The following PUM1 variants were observed in gnomAD, a reference collection of about 807,000 sequenced individuals.
The protein encoded by PUM1 is pumilio homolog 1.
In PUM1, 13 loss-of-function variants were observed where a neutral mutation model predicts 131.8. The observed-to-expected ratio is 0.10, with a 90% CI of 0.06 to 0.16. The LOEUF (loss-of-function observed/expected upper bound fraction) is 0.16, where lower values mean the gene tolerates loss of function less well. Among genes scored for constraint, PUM1 ranks in the 10% least tolerant of loss-of-function variants. The pLI is 1.00. For synonymous variants in PUM1, 509 were observed against 556.5 expected (o/e 0.91, Z 1.20); for missense variants, 961 against 1,512.4 (o/e 0.64, Z 6.05).
chr1:30,960,277 C>T (rs975849944), intron 14 of PUM1, among the ~76,000 whole-genome samples: 3 of 152,194 alleles, frequency 2.0e-5, no homozygotes, highest in Non-Finnish European at 2.9e-5. Flanking sequence ...TCTAAATGCT[C>T]CAATGAGCAT....
intron 5 of PUM1, among the ~76,000 whole-genome samples, chr1:31,004,286 T>C (rs1338504113): frequency 6.6e-6 from 1 of 152,238 alleles, no homozygotes; most frequent in Non-Finnish European, 1.5e-5. Flanking sequence ...AGCTTCACAG[T>C]AATGCAGGCA....
At chr1:30,954,561 T>C (rs1399262474) in intron 14 of PUM1, among the ~76,000 whole-genome samples, 1 of 152,136 alleles carries the variant, frequency 6.6e-6, no homozygotes, top group Non-Finnish European at 1.5e-5. Flanking sequence ...TGAGACATAA[T>C]GAGTACAAGA....
intron 1 of PUM1, among the ~76,000 whole-genome samples, chr1:31,065,116 G>C (rs1036655469): frequency 3.3e-5 from 5 of 152,072 alleles, no homozygotes; most frequent in Non-Finnish European, 7.4e-5. Flanking sequence ...GGTGAATCTC[G>C]CCTGTGGACA....
At chr1:31,024,624 T>G (rs1643157987) in intron 3 of PUM1, among the ~76,000 whole-genome samples, 1 of 152,222 alleles carries the variant, frequency 6.6e-6, no homozygotes, top group Non-Finnish European at 1.5e-5. Context: ...CCCTGGAAGT[T>G]GTCAAGTTCA....
At chr1:30,979,428 C>CTA (rs1157551981) in intron 9 of PUM1, among the ~76,000 whole-genome samples, 4 of 152,092 alleles carry the variant, frequency 2.6e-5, no homozygotes, top group African/African-American at 9.7e-5. Flanking sequence ...TGATAGAGCC[C>CTA]TATATACTGT....
chr1:31,046,218 C>T (rs1643958455), intron 2 of PUM1, among the ~76,000 whole-genome samples: 2 of 151,760 alleles, frequency 1.3e-5, no homozygotes, highest in Non-Finnish European at 2.9e-5. Context: ...GAAATCCCAT[C>T]TCTACTAAAA....
At chr1:30,963,916 C>T (rs1026391072) in intron 14 of PUM1, among the ~76,000 whole-genome samples, 7 of 152,148 alleles carry the variant, frequency 4.6e-5, no homozygotes, top group Non-Finnish European at 8.8e-5. Context: ...AAACTTAATA[C>T]ATAACTGCGG....
At chr1:31,012,208 T>C (rs1352420367) in intron 3 of PUM1, among the ~76,000 whole-genome samples, 1 of 81,744 alleles carries the variant, frequency 1.2e-5, no homozygotes, top group Non-Finnish European at 2.2e-5. Context: ...GTTGTTTTTT[T>C]TCCTTAAAAA....
At chr1:30,970,536 A>C (rs187943657) in intron 10 of PUM1, among the ~76,000 whole-genome samples, 2 of 152,342 alleles carry the variant, frequency 1.3e-5, no homozygotes, top group African/African-American at 4.8e-5. Context: ...TTTGTTTCTG[A>C]CCTAAAGAAC....
At chr1:31,036,316 G>A (rs1455576318) in intron 2 of PUM1, among the ~76,000 whole-genome samples, 1 of 152,064 alleles carries the variant, frequency 6.6e-6, no homozygotes, top group East Asian at 1.9e-4. Flanking sequence ...TGATCCGCCT[G>A]CCTCGGCCTC....
intron 2 of PUM1, among the ~76,000 whole-genome samples, chr1:31,039,000 T>TTTTTTTTTC (rs1643730416): frequency 1.3e-5 from 1 of 74,106 alleles, no homozygotes; most frequent in African/African-American, 5.8e-5. Flanking sequence ...TTTTTTTTTT[T>TTTTTTTTTC]CCTTTTCTCT....
At chr1:31,001,961 T>C (rs1196090035) in intron 5 of PUM1, among the ~76,000 whole-genome samples, 1 of 152,214 alleles carries the variant, frequency 6.6e-6, no homozygotes, top group Non-Finnish European at 1.5e-5. Flanking sequence ...AGGTATGATC[T>C]GAGATTCTGC....
chr1:31,003,719 T>C (rs1027551422), intron 5 of PUM1, among the ~76,000 whole-genome samples: 2 of 152,100 alleles, frequency 1.3e-5, no homozygotes, highest in Admixed American at 6.5e-5. Context: ...ATCATGCCAT[T>C]GCACTCCAGT....
At chr1:31,035,254 A>T (rs1056326526) in intron 2 of PUM1, among the ~76,000 whole-genome samples, 2 of 152,108 alleles carry the variant, frequency 1.3e-5, no homozygotes, top group African/African-American at 4.8e-5. Context: ...TCAGCCAGGC[A>T]TGATGGCACA....
chr1:30,935,600 G>A, intron 21 of PUM1: 1 of 454,036 alleles, frequency 2.2e-6, no homozygotes, highest in Middle Eastern at 6.2e-4. Context: ...TAAGAACCTG[G>A]GACTCCCCCA....
chr1:30,981,258 T>C (rs924196788), intron 8 of PUM1, 54 bp downstream of exon 8: 9 of 1,158,084 alleles, frequency 7.8e-6, no homozygotes, highest in Non-Finnish European at 9.9e-6. Context: ...CAACCAGTTA[T>C]CCTAAAATGG....
intron 2 of PUM1, among the ~76,000 whole-genome samples, chr1:31,042,833 C>A (rs564792838): frequency 6.6e-6 from 1 of 152,202 alleles, no homozygotes; most frequent in East Asian, 1.9e-4. Context: ...AGCACGACGT[C>A]GGCTCACTGC....
Position 30,992,372 on chromosome 1 carries a change from CAG to C in PUM1, c.1158+16_1158+17del. ...GCTGGAGGGAGAGTAGAGAGGGTGACAGAGACACACACAGTACCTGTTGTTGA... is the reference window on the plus strand; with the variant it reads ...GCTGGAGGGAGAGTAGAGAGGGTGACAGACACACACAGTACCTGTTGTTGA... On this transcript the variant is annotated intron_variant, in intron 7 of 21. Transcript: ENST00000426105. 6.2e-7 allele frequency: 1 copy of C among 1,607,714 alleles called. No homozygotes were observed. The highest frequency in any genetic ancestry group is 8.5e-7 in the Non-Finnish European group (1 of 1,176,202).
chr1:31,062,203 T>C (rs1369159025), intron 1 of PUM1, among the ~76,000 whole-genome samples: 1 of 152,340 alleles, frequency 6.6e-6, no homozygotes, highest in Non-Finnish European at 1.5e-5. Context: ...TTGTATCCTC[T>C]ACTCCTCTGG....
Sources: allele counts gnomAD v4.1 joint callset (sites outside exome capture counted in the v4.1 genomes callset), GRCh38; gene constraint gnomAD v4.1.1; transcripts MANE v1.5; gene names NCBI Gene and HGNC (gene_info 2026-07-23, HGNC 2026-07-21).